Variants in WDR43 observed in about 807,000 individuals in gnomAD.
WDR43 encodes the protein WD repeat-containing protein 43.
WDR43 carries 13 observed loss-of-function variants against 91.4 expected under a neutral mutation model. The ratio of observed to expected loss-of-function variants is 0.14; its 90% CI spans 0.09 to 0.23. The LOEUF is 0.23. WDR43 is among the 10% of genes least tolerant of loss of function. The pLI, the probability that WDR43 is intolerant of heterozygous loss-of-function variation, is 1.00. For missense variants in WDR43, 780 were observed against 809.4 expected (o/e 0.96, Z 0.44); for synonymous variants, 331 against 287.9 (o/e 1.15, Z -1.51).
chr2:28,923,857 C>A (rs1162273931), intron 7 of WDR43, among the ~76,000 whole-genome samples: 1 of 152,084 alleles, frequency 6.6e-6, no homozygotes, highest in Non-Finnish European at 1.5e-5. Flanking sequence ...GTGAGGACTA[C>A]CTGGGCAGTG....
At chr2:28,901,529 T>C (rs981668019) in intron 1 of WDR43, among the ~76,000 whole-genome samples, 1 of 152,228 alleles carries the variant, frequency 6.6e-6, no homozygotes, top group Non-Finnish European at 1.5e-5. Context: ...TCTTGACAAC[T>C]AAGCTAGAAT....
chr2:28,923,895 G>T (rs1322381495), intron 7 of WDR43, among the ~76,000 whole-genome samples: 1 of 152,080 alleles, frequency 6.6e-6, no homozygotes, highest in Non-Finnish European at 1.5e-5. Context: ...TTCAAGCAGA[G>T]GATTCGATGA....
rs2148203170 is a variant in WDR43, at chr2:28,946,748, T to C, written c.2003T>C (p.Leu668Ser). 6.3e-7 allele frequency: 1 copy of C among 1,583,504 alleles called. No individual in the cohort carries two copies. The highest frequency in any genetic ancestry group is 8.6e-7 in the Non-Finnish European group (1 of 1,165,604). ...AAAGAATTAAATGGAGATTCTGATT[T>C]AGATCCTGAAAATGAAAGTGAAGAA... ...SEKELNGDSD[L>S]DPENESEEE is the part of the protein sequence containing the mutation. Residue 668 changes from leucine to serine, a missense_variant, in exon 18 of 18, where the codon TTA becomes TCA. Physicochemically the swap from Leu to Ser is moderately radical, Grantham distance 145. Transcript: ENST00000407426.
At chr2:28,927,036 C>A (rs771061671) in intron 9 of WDR43, 1 of 517,882 alleles carries the variant, frequency 1.9e-6, no homozygotes, top group South Asian at 1.4e-5. Flanking sequence ...GGACGTGTTT[C>A]GTGGTTTAGT....
intron 15 of WDR43, 42 bp from the exon 16 acceptor site, chr2:28,942,270 T>C: frequency 3.8e-6 from 6 of 1,594,302 alleles, no homozygotes; most frequent in Non-Finnish European, 4.3e-6. Flanking sequence ...ACTTGGGATA[T>C]GTTTACACTC....
chr2:28,906,694 C>G (rs1670688536), intron 3 of WDR43, 113 bp downstream of exon 3: 2 of 1,294,074 alleles, frequency 1.5e-6, no homozygotes, highest in Admixed American at 3.2e-5. Context: ...AACTTTTAAT[C>G]AAATCGAGCA....
chr2:28,940,669 G>A (rs748373093), intron 14 of WDR43, among the ~76,000 whole-genome samples: 3 of 152,180 alleles, frequency 2.0e-5, no homozygotes, highest in Non-Finnish European at 4.4e-5. Context: ...TTTTCCAGTT[G>A]CTTTTTATAG....
chr2:28,923,102 C>T (rs917895726), intron 7 of WDR43, 119 bp downstream of exon 7: 2 of 860,978 alleles, frequency 2.3e-6, no homozygotes, highest in Non-Finnish European at 3.5e-6. Context: ...ATTTTGAAAG[C>T]ATTTTTCTTT....
chr2:28,939,372 T>C (rs1238132636), intron 14 of WDR43, among the ~76,000 whole-genome samples: 1 of 152,168 alleles, frequency 6.6e-6, no homozygotes, highest in Non-Finnish European at 1.5e-5. Flanking sequence ...GGAGATCTTG[T>C]AGTGAAATCT....
At position 28,917,923 on chromosome 2, in the gene WDR43, T is replaced by C. The variant is rs1362398570; in HGVS notation, c.777T>C (p.Ser259=). ...TCCGATCAGAAAACAAAGAAAAGAG[T>C]GCAGTGATGTCATTTACAGTTACCG... ...WQVRSENKEK[S]AVMSFTVTDE... Residue 259 remains serine (S), a synonymous_variant, in exon 6 of 18, where the codon AGT becomes AGC. Transcript: ENST00000407426. The C allele has an allele frequency of 6.3e-7, 1 of 1,585,098 alleles. No individual in the cohort carries two copies. The highest frequency in any genetic ancestry group is 2.3e-5 in the East Asian group (1 of 44,006).
At chr2:28,912,780 C>T (rs945245323) in intron 4 of WDR43, 70 bp downstream of exon 4, 31 of 1,556,360 alleles carry the variant, frequency 2.0e-5, no homozygotes, top group Non-Finnish European at 2.3e-5. Context: ...GAAGTTTGAA[C>T]CATAAGATAT....
intron 3 of WDR43, among the ~76,000 whole-genome samples, chr2:28,908,677 T>G (rs2148182063): frequency 6.6e-6 from 1 of 152,366 alleles, no homozygotes; most frequent in African/African-American, 2.4e-5. Flanking sequence ...CTAAACTGTG[T>G]TGTCTCATAA....
chr2:28,898,487 T>A (rs1670520925), intron 1 of WDR43, among the ~76,000 whole-genome samples: 1 of 152,228 alleles, frequency 6.6e-6, no homozygotes, highest in Non-Finnish European at 1.5e-5. Flanking sequence ...TGTATGTGAT[T>A]TTTTGTAAAA....
intron 10 of WDR43, among the ~76,000 whole-genome samples, chr2:28,929,138 T>A (rs925197456): frequency 6.6e-6 from 1 of 152,244 alleles, no homozygotes; most frequent in Non-Finnish European, 1.5e-5. Flanking sequence ...AAAAATTGTT[T>A]TGGGAACATA....
chr2:28,946,337 A>G, intron 16 of WDR43, 113 bp from the exon 17 acceptor site: 1 of 1,107,442 alleles, frequency 9.0e-7, no homozygotes, highest in African/African-American at 1.6e-5. Context: ...GATGATTGCT[A>G]AATATAAATA....
rs765191241 is a variant in WDR43 at position 28,936,917 on chromosome 2, C to T, written c.1525-5C>T. On this transcript the variant is annotated splice_polypyrimidine_tract_variant and splice_region_variant and intron_variant, in intron 12 of 17. Coordinates refer to ENST00000407426, the MANE Select transcript of WDR43 (RefSeq NM_015131.3). ...TGTTGTTAATAGTGTTTTTCTCTCC[C>T]TTAGCTTACAAAGAGGTTACAAGGA... is the stretch of plus-strand genomic sequence containing the variant. The T allele has an allele frequency of 3.8e-6, 6 of 1,569,750 alleles. No homozygotes were observed. Among genetic ancestry groups the T allele is most frequent in the African/African-American group, 1.4e-5 (1 of 74,008 alleles).
intron 14 of WDR43, among the ~76,000 whole-genome samples, chr2:28,939,107 A>G (rs1292174678): frequency 4.7e-5 from 4 of 85,508 alleles, no homozygotes; most frequent in African/African-American, 9.1e-5. Context: ...TTGGGAGGTG[A>G]CCTGGGAGCA....
chr2:28,929,494 T>A, intron 10 of WDR43, 85 bp from the exon 11 acceptor site: 1 of 1,192,138 alleles, frequency 8.4e-7, no homozygotes, highest in Non-Finnish European at 1.1e-6. Context: ...AAATCTATTT[T>A]ATTTTATTTT....
At chr2:28,946,013 A>G (rs190127303) in intron 16 of WDR43, among the ~76,000 whole-genome samples, 1 of 152,338 alleles carries the variant, frequency 6.6e-6, no homozygotes, top group Non-Finnish European at 1.5e-5. Flanking sequence ...TCTTGAAGGA[A>G]TAATATAATG....
Sources: allele counts gnomAD v4.1 joint callset (sites outside exome capture counted in the v4.1 genomes callset), GRCh38; gene constraint gnomAD v4.1.1; transcripts MANE v1.5; gene names NCBI Gene and HGNC (gene_info 2026-07-23, HGNC 2026-07-21).